KCNN3: variants seen among roughly 807,000 people sequenced by gnomAD.
KCNN3 encodes the protein potassium calcium-activated channel subfamily N member 3, also known as small conductance calcium-activated potassium channel protein 3.
KCNN3 carries 16 observed loss-of-function variants against 62.9 expected under a neutral mutation model. The ratio of observed to expected loss-of-function variants is 0.25; its 90% CI spans 0.17 to 0.39. The LOEUF (loss-of-function observed/expected upper bound fraction) is 0.39. Among genes scored for constraint, KCNN3 ranks in the 10% least tolerant of loss-of-function variants. KCNN3 has a pLI of 1.00. For synonymous variants in KCNN3, 370 were observed against 389.2 expected, an observed-to-expected ratio of 0.95 and a Z score of 0.58; for missense variants, 599 against 949.4, an observed-to-expected ratio of 0.63 and a Z score of 4.85.
At chr1:154,840,272 T>C (rs1462715105) in intron 1 of KCNN3, among the ~76,000 whole-genome samples, 1 of 152,146 alleles carries the variant, frequency 6.6e-6, no homozygotes, top group Non-Finnish European at 1.5e-5. Context: ...CAAAAGGCCT[T>C]GTGCTATTAA....
At chr1:154,776,424 G>C (rs1295620600) in intron 2 of KCNN3, among the ~76,000 whole-genome samples, 1 of 152,072 alleles carries the variant, frequency 6.6e-6, no homozygotes, top group African/African-American at 2.4e-5. Context: ...GTAAAGAGCG[G>C]GTGTTTTGAG....
At chr1:154,788,661 C>A (rs1291239413) in intron 2 of KCNN3, among the ~76,000 whole-genome samples, 1 of 152,188 alleles carries the variant, frequency 6.6e-6, no homozygotes, top group Non-Finnish European at 1.5e-5. Context: ...CCACGGAGCA[C>A]AGCCCACGCC....
At chr1:154,816,947 T>A (rs1340329388) in intron 2 of KCNN3, among the ~76,000 whole-genome samples, 1 of 152,202 alleles carries the variant, frequency 6.6e-6, no homozygotes, top group Non-Finnish European at 1.5e-5. Context: ...CAGGACCCTG[T>A]CCTTGAGACA....
rs1318173719 is a variant in KCNN3 at position 154,704,208 on chromosome 1, G to A, written c.*3768C>T. 6 of 152,184 alleles carry A rather than the reference G, an allele frequency of 3.9e-5. No homozygotes were observed. The allele number at this position is 152,184 out of a possible 1,614,324, so 9.4% of individuals were successfully genotyped here. Reference sequence around the variant, plus strand: ...ATGTCTCCTAATTCACAAGATTGTTGTTCTACCACTGGCCCCTGCTGAGGT... The same window carrying A: ...ATGTCTCCTAATTCACAAGATTGTTATTCTACCACTGGCCCCTGCTGAGGT... On this transcript the variant is annotated 3_prime_UTR_variant, in exon 8 of 8. Coordinates refer to ENST00000271915, the MANE Select transcript of KCNN3 (RefSeq NM_002249.6).
rs764058022 is a variant in KCNN3 at position 154,869,060 on chromosome 1, G to T, written c.905C>A (p.Thr302Asn). Residue 302 changes from threonine (T) to asparagine (N), a missense_variant, in exon 1 of 8, where the codon ACC (threonine) becomes AAC (asparagine). Coordinates refer to ENST00000271915, the MANE Select transcript of KCNN3 (RefSeq NM_002249.6). The surrounding 1 kb of genome is among the most constrained non-coding windows in gnomAD (Gnocchi z 6.1). Reference sequence around the variant, plus strand: ...TGAGTACAAACCCCAAGAGAGCTCGGTCTCTATCACCATAACAACAATTCC... The same window carrying T: ...TGAGTACAAACCCCAAGAGAGCTCGTTCTCTATCACCATAACAACAATTCC... ...MFGIVVMVIE[T>N]ELSWGLYSKD... 4 of 1,614,056 alleles carry T rather than the reference G, an allele frequency of 2.5e-6. No individual in the cohort carries two copies. Among genetic ancestry groups the T allele is most frequent in the Non-Finnish European group, 3.4e-6 (4 of 1,180,010 alleles).
At chr1:154,867,577 A>G (rs1329359377) in intron 1 of KCNN3, among the ~76,000 whole-genome samples, 1 of 151,996 alleles carries the variant, frequency 6.6e-6, no homozygotes, top group Non-Finnish European at 1.5e-5. Flanking sequence ...AAATCCGATC[A>G]GCACCTCCTA....
At chr1:154,714,084 TTG>T (rs1700139422) in intron 6 of KCNN3, among the ~76,000 whole-genome samples, 6 of 5,968 alleles carry the variant, frequency 1.0e-3, no homozygotes, top group African/African-American at 3.5e-3. Context: ...TGTGTGGTGT[TTG>T]TGTGTGGTGT....
chr1:154,761,980 CAAAA>C (rs1196868242), intron 3 of KCNN3, among the ~76,000 whole-genome samples: 1 of 145,582 alleles, frequency 6.9e-6, no homozygotes, highest in Admixed American at 6.8e-5. Context: ...AACAAACAAA[CAAAA>C]ACGAAAACAA....
At position 154,809,624 on chromosome 1, in the gene KCNN3, T is replaced by A. The variant is rs60599596; in HGVS notation, c.1029+12465A>T. ...CATCACATGTGGGAGGGCAGGAAGC[T>A]GGGAGGCCCCCAAATACATGTTGCT... On this transcript the variant is annotated intron_variant, in intron 2 of 7. Coordinates refer to ENST00000271915, the MANE Select transcript of KCNN3 (RefSeq NM_002249.6). This position sits in a 1 kb window ranked among gnomAD's most constrained non-coding sequence, Gnocchi z 4.3. 0.071 allele frequency among the ~76,000 whole-genome samples: 10,841 copies of A among 152,260 alleles called. 438 individuals are homozygous for A. The highest frequency in any genetic ancestry group is 0.097 in the African/African-American group (4,034 of 41,552).
intron 7 of KCNN3, among the ~76,000 whole-genome samples, chr1:154,709,351 G>C (rs1215054908): frequency 6.6e-6 from 1 of 152,124 alleles, no homozygotes; most frequent in Non-Finnish European, 1.5e-5. Flanking sequence ...GCCGGTGGTT[G>C]CTTGGTCATC....
chr1:154,758,101 A>G (rs1189192653), intron 3 of KCNN3, among the ~76,000 whole-genome samples: 1 of 152,174 alleles, frequency 6.6e-6, no homozygotes, highest in Non-Finnish European at 1.5e-5. Flanking sequence ...GACAGAAACT[A>G]CACGTTTTAA....
At chr1:154,820,886 G>T (rs768014129) in intron 2 of KCNN3, among the ~76,000 whole-genome samples, 35 of 152,204 alleles carry the variant, frequency 2.3e-4, no homozygotes, top group Non-Finnish European at 3.5e-4. Context: ...AGCCACAGTG[G>T]CCCCTGACCT....
chr1:154,775,888 T>A (rs906461063), intron 2 of KCNN3, among the ~76,000 whole-genome samples: 8 of 152,190 alleles, frequency 5.3e-5, no homozygotes, highest in African/African-American at 1.9e-4. Flanking sequence ...AATACAAAAT[T>A]AAAACCATCT....
rs1320280057 is a variant in KCNN3 at position 154,702,914 on chromosome 1, A to C, written c.*5062T>G. Reference sequence around the variant, plus strand: ...CCCAAGATTACAGCTTCCAGGATACATTTTTCAGGTGTGTAAACAACTGTC... The same window carrying C: ...CCCAAGATTACAGCTTCCAGGATACCTTTTTCAGGTGTGTAAACAACTGTC... On this transcript the variant is annotated 3_prime_UTR_variant, in exon 8 of 8. Transcript: ENST00000271915. 1.3e-5 allele frequency: 2 copies of C among 150,768 alleles called. No homozygotes were observed. The highest frequency in any genetic ancestry group is 2.9e-5 in the Non-Finnish European group (2 of 67,800). The allele number at this position is 150,768 out of a possible 1,614,324, so 9.3% of individuals were successfully genotyped here. A position where few individuals can be genotyped will look rare whatever the true frequency, so the allele number is the denominator to read the frequency against.
At chr1:154,782,892 G>A (rs1038531675) in intron 2 of KCNN3, among the ~76,000 whole-genome samples, 3 of 152,206 alleles carry the variant, frequency 2.0e-5, no homozygotes, top group Admixed American at 6.5e-5. Context: ...TTTGGGGGCT[G>A]GCCAGTTTGG....
intron 3 of KCNN3, among the ~76,000 whole-genome samples, chr1:154,759,396 T>C (rs1376536571): frequency 6.6e-6 from 1 of 152,200 alleles, no homozygotes; most frequent in African/African-American, 2.4e-5. Flanking sequence ...AGTTGAAGGA[T>C]GGAAAAGCTG....
intron 1 of KCNN3, among the ~76,000 whole-genome samples, chr1:154,832,851 G>A (rs1261916541): frequency 1.3e-5 from 2 of 152,152 alleles, no homozygotes; most frequent in African/African-American, 2.4e-5. Flanking sequence ...CCCAGCCATC[G>A]CTGACAAGAC....
intron 3 of KCNN3, among the ~76,000 whole-genome samples, chr1:154,737,975 T>C (rs1172969612): frequency 1.3e-5 from 2 of 151,880 alleles, no homozygotes; most frequent in Non-Finnish European, 2.9e-5. Flanking sequence ...TGAATCAGTC[T>C]CCCAATTCAA....
At chr1:154,845,505 C>G (rs1229003860) in intron 1 of KCNN3, among the ~76,000 whole-genome samples, 1 of 152,216 alleles carries the variant, frequency 6.6e-6, no homozygotes, top group Non-Finnish European at 1.5e-5. Flanking sequence ...CTCTGCTTTT[C>G]TCACTGCGGG....
Sources: allele counts gnomAD v4.1 joint callset (sites outside exome capture counted in the v4.1 genomes callset), GRCh38; gene constraint gnomAD v4.1.1; non-coding constraint Gnocchi (gnomAD v3.1); transcripts MANE v1.5; gene names NCBI Gene and HGNC (gene_info 2026-07-23, HGNC 2026-07-21).